The following LTBP2 variants were observed in gnomAD, a reference collection of about 807,000 sequenced individuals.
LTBP2 encodes the protein latent-transforming growth factor beta-binding protein 2.
LTBP2 carries 103 observed loss-of-function variants against 210.6 expected under a neutral mutation model. The ratio of observed to expected loss-of-function variants is 0.49; its 90% CI spans 0.42 to 0.58. The LOEUF is 0.58. Among genes scored for constraint, LTBP2 ranks in the 20% least tolerant of loss-of-function variants. The pLI is 0.00. For missense variants in LTBP2, 2,313 were observed against 2,494.5 expected (o/e 0.93, Z 1.55); for synonymous variants, 1,007 against 1,015.0 (o/e 0.99, Z 0.15).
At position 74,503,309 on chromosome 14, in the gene LTBP2, G is replaced by A. The variant is rs768138050; in HGVS notation, c.4798C>T (p.Arg1600Cys). 1.7e-5 allele frequency: 28 copies of A among 1,613,820 alleles called. No homozygotes were observed. Among genetic ancestry groups the A allele is most frequent in the Non-Finnish European group, 2.0e-5 (24 of 1,180,020 alleles). The change falls in exon 33 of 36, where the codon CGT (arginine) becomes TGT (cysteine). Residue 1600 changes from arginine to cysteine, a missense_variant. By Grantham distance (180) the Arg-to-Cys change is radical. Around this residue, in one of 3 missense-constraint regions of LTBP2, gnomAD observed 443 missense variants for 501.4 expected, o/e 0.88. Coordinates refer to ENST00000261978, the MANE Select transcript of LTBP2 (RefSeq NM_000428.3). Reference protein sequence around the residue: ...VTNDVCSEPLRGHRTTYTECC... With the variant: ...VTNDVCSEPLCGHRTTYTECC... Reference sequence around the variant, plus strand: ...TCCGTGTAGGTGGTGCGGTGCCCACGCAGGGGTTCGCTGCACACATCATTG... The same window carrying A: ...TCCGTGTAGGTGGTGCGGTGCCCACACAGGGGTTCGCTGCACACATCATTG...
chr14:74,545,859 A>G (rs1455082118), intron 8 of LTBP2, among the ~76,000 whole-genome samples: 1 of 152,146 alleles, frequency 6.6e-6, no homozygotes, highest in Non-Finnish European at 1.5e-5. Context: ...CATTACCTCT[A>G]CCACTCAGAG....
intron 15 of LTBP2, 58 bp downstream of exon 15, chr14:74,525,066 G>C: frequency 2.0e-6 from 2 of 1,022,992 alleles, no homozygotes; most frequent in Non-Finnish European, 2.6e-6. Flanking sequence ...GTTGGCTCTG[G>C]ACAGACACAG....
Position 74,528,585 on chromosome 14 carries a change from G to T in LTBP2, c.2266C>A (p.Gln756Lys). ...EEELARPPRE[Q>K]GQRSSGALPG... is the part of the protein sequence containing the mutation. ...AGTGCCCCGCTGCTCCTCTGCCCTT[G>T]CTCCCTTGGGGGCCTTGCCAGTTCC... The change falls in exon 12 of 36, where the codon CAA (glutamine) becomes AAA (lysine). Residue 756 changes from glutamine (Q) to lysine (K), a missense_variant. By Grantham distance (53) the Gln-to-Lys change is moderately conservative. Around this residue, in one of 3 missense-constraint regions of LTBP2, gnomAD observed 1,867 missense variants for 1,976.9 expected, o/e 0.94. Coordinates refer to ENST00000261978, the MANE Select transcript of LTBP2 (RefSeq NM_000428.3). 1.2e-6 allele frequency: 2 copies of T among 1,613,500 alleles called. No homozygotes were observed. Among genetic ancestry groups the T allele is most frequent in the Non-Finnish European group, 1.7e-6 (2 of 1,180,052 alleles).
At chr14:74,507,831 G>A (rs1292446426) in intron 25 of LTBP2, 142 bp downstream of exon 25, 2 of 1,128,206 alleles carry the variant, frequency 1.8e-6, no homozygotes, top group African/African-American at 3.0e-5. Context: ...GACAGCCCCT[G>A]AGCCCTGAGT....
At chr14:74,610,826 G>A (rs2088595306) in intron 1 of LTBP2, among the ~76,000 whole-genome samples, 1 of 152,188 alleles carries the variant, frequency 6.6e-6, no homozygotes, top group African/African-American at 2.4e-5. Context: ...AATTCTCCAC[G>A]CGCCCACTGT....
chr14:74,526,237 T>C, intron 13 of LTBP2, 123 bp from the exon 14 acceptor site: 1 of 953,306 alleles, frequency 1.0e-6, no homozygotes, highest in South Asian at 1.4e-5. Context: ...TTTTCATTCA[T>C]TCCAGGTATT....
intron 3 of LTBP2, among the ~76,000 whole-genome samples, chr14:74,563,507 T>A (rs758958523): frequency 6.6e-6 from 1 of 152,064 alleles, no homozygotes; most frequent in African/African-American, 2.4e-5. Flanking sequence ...TTTACATCAA[T>A]AAGTTAAGCT....
chr14:74,537,923 T>A (rs12894581), intron 8 of LTBP2, among the ~76,000 whole-genome samples: 4 of 151,854 alleles, frequency 2.6e-5, no homozygotes, highest in South Asian at 2.1e-4. Context: ...GCTGGCTAAC[T>A]TTTGTATCTT....
rs1341313710 is a variant in LTBP2, at chr14:74,503,626, T to C, written c.4583-20A>G. The C allele has an allele frequency of 3.2e-5, 52 of 1,612,418 alleles. No homozygotes were observed. The highest frequency in any genetic ancestry group is 4.0e-5 in the African/African-American group (3 of 74,918). ...CGTGATCTGGGGAGGCAGGAAAGGG[T>C]GGGGCATTGCCAAGGTGGCCTTTCC... On this transcript the variant is annotated intron_variant, in intron 31 of 35. Transcript: ENST00000261978.
chr14:74,537,926 T>C (rs1331160164), intron 8 of LTBP2, among the ~76,000 whole-genome samples: 1 of 152,150 alleles, frequency 6.6e-6, no homozygotes, highest in East Asian at 1.9e-4. Context: ...GGCTAACTTT[T>C]GTATCTTTAG....
chr14:74,558,131 T>A (rs1041173069), intron 3 of LTBP2, among the ~76,000 whole-genome samples: 3 of 152,188 alleles, frequency 2.0e-5, no homozygotes, highest in Non-Finnish European at 4.4e-5. Flanking sequence ...CTGGCACAGT[T>A]GTTCATGCCT....
At chr14:74,503,777 GCTC>G (rs1418387458) in intron 31 of LTBP2, 146 bp downstream of exon 31, 1 of 1,411,042 alleles carries the variant, frequency 7.1e-7, no homozygotes, top group African/African-American at 1.4e-5. Context: ...ACAGCCCACA[GCTC>G]CTTCACCTGG....
intron 18 of LTBP2, among the ~76,000 whole-genome samples, chr14:74,514,660 C>A (rs1488353749): frequency 1.3e-5 from 2 of 152,190 alleles, no homozygotes; most frequent in African/African-American, 4.8e-5. Flanking sequence ...GGAAGTCTAT[C>A]CCCTGTCCGT....
At chr14:74,546,033 G>A (rs749409969) in intron 8 of LTBP2, among the ~76,000 whole-genome samples, 9 of 152,278 alleles carry the variant, frequency 5.9e-5, no homozygotes, top group Admixed American at 6.5e-5. Flanking sequence ...ATTCTGTTGC[G>A]ACCTTCTTCA....
intron 3 of LTBP2, among the ~76,000 whole-genome samples, chr14:74,580,288 C>T (rs572857922): frequency 5.2e-4 from 79 of 152,228 alleles, no homozygotes; most frequent in African/African-American, 1.7e-3. Context: ...GTCCTAACCC[C>T]GGACCTATGA....
chr14:74,575,039 G>T (rs939072341), intron 3 of LTBP2, among the ~76,000 whole-genome samples: 2 of 152,174 alleles, frequency 1.3e-5, no homozygotes, highest in African/African-American at 4.8e-5. Context: ...GGAAGAGGTT[G>T]CCGGCTTTAT....
rs548395599 is a variant in LTBP2 at position 74,554,871 on chromosome 14, A to G, written c.1021+632T>C. 3.9e-5 allele frequency among the ~76,000 whole-genome samples: 6 copies of G among 152,084 alleles called. No individual in the cohort carries two copies. The South Asian group carries it at 1.2e-3, about 32-fold the overall frequency. Reference sequence around the variant, plus strand: ...AGGAAGGAGGTGAGCTCAGGCACAGATGTAAACAGGGTAGTGGTGGGTGTG... The same window carrying G: ...AGGAAGGAGGTGAGCTCAGGCACAGGTGTAAACAGGGTAGTGGTGGGTGTG... On this transcript the variant is annotated intron_variant, in intron 4 of 35. Coordinates refer to ENST00000261978, the MANE Select transcript of LTBP2 (RefSeq NM_000428.3).
At position 74,506,078 on chromosome 14, in the gene LTBP2, C is replaced by T. The variant is rs771431992; in HGVS notation, c.4147G>A (p.Glu1383Lys). The change falls in exon 28 of 36, where the codon GAG (glutamate) becomes AAG (lysine). Residue 1383 changes from glutamate to lysine, a missense_variant. By Grantham distance (56) the Glu-to-Lys change is moderately conservative (BLOSUM62 1). This residue lies in a region of LTBP2 where 1,867 missense variants were observed against 1,976.9 expected (regional missense o/e 0.94). Transcript: ENST00000261978. ...ASDLEEYDAQ[E>K]GHCRPRGAGG... ...GCCCCCCGTGGGCGGCAGTGCCCCT[C>T]CTGGGCATCGTACTCCTCCAGGTCA... 1.1e-5 allele frequency: 17 copies of T among 1,614,054 alleles called. No homozygotes were observed. Among genetic ancestry groups the T allele is most frequent in the Non-Finnish European group, 1.3e-5 (15 of 1,180,052 alleles).
At chr14:74,502,393 C>T (rs566033595) in intron 34 of LTBP2, among the ~76,000 whole-genome samples, 95 of 152,090 alleles carry the variant, frequency 6.2e-4, no homozygotes, top group Non-Finnish European at 1.2e-3. Context: ...CTCTCAGTCC[C>T]CACAGGAAGC....
Sources: gnomAD v4.1 joint callset for allele counts (sites outside exome capture counted in the v4.1 genomes callset) on GRCh38, gnomAD v4.1.1 for gene constraint, gnomAD v4.1.1 regional missense constraint, MANE v1.5 for transcripts, NCBI Gene and HGNC (gene_info 2026-07-23, HGNC 2026-07-21) for gene names.